Variants in COBLL1 observed in about 807,000 individuals in gnomAD.
COBLL1 encodes cordon-bleu protein-like 1.
Under a neutral mutation model 94.8 loss-of-function variants are expected in COBLL1, and 50 were observed. The observed-to-expected ratio is 0.53, with a 90% CI of 0.42 to 0.67. COBLL1 has a LOEUF of 0.67. COBLL1 is among the 30% of genes least tolerant of loss of function. The pLI is 0.00. For synonymous variants in COBLL1, 448 were observed against 473.8 expected (o/e 0.95, Z 0.71); for missense variants, 1,362 against 1,348.7 (o/e 1.01, Z -0.15).
intron 2 of COBLL1, among the ~76,000 whole-genome samples, chr2:164,839,482 T>G (rs1292477357): frequency 2.6e-5 from 4 of 152,298 alleles, no homozygotes; most frequent in Admixed American, 6.5e-5. Flanking sequence ...CAGTTATGCT[T>G]GCCAGCAAAA....
chr2:164,759,409 T>C (rs1687572439), intron 2 of COBLL1, among the ~76,000 whole-genome samples: 2 of 152,122 alleles, frequency 1.3e-5, no homozygotes, highest in South Asian at 4.1e-4. Flanking sequence ...AAAATTACCT[T>C]AAATTGGATC....
At chr2:164,809,935 C>T (rs1044405658) in intron 2 of COBLL1, among the ~76,000 whole-genome samples, 3 of 151,626 alleles carry the variant, frequency 2.0e-5, no homozygotes, top group African/African-American at 7.2e-5. Flanking sequence ...AAAAAGCCCT[C>T]TTTTAAATAA....
In COBLL1 at chr2:164,685,466, A is replaced by C. The variant is rs1683229776; in HGVS notation, c.*480T>G. 6.6e-6 allele frequency: 1 copy of C among 152,442 alleles called. No homozygotes were observed. The highest frequency in any genetic ancestry group is 2.4e-5 in the African/African-American group (1 of 41,578). The allele number at this position is 152,442 out of a possible 1,614,324, so 9.4% of individuals were successfully genotyped here. On this transcript the variant is annotated 3_prime_UTR_variant, in exon 14 of 14. Coordinates refer to ENST00000652658, the MANE Select transcript of COBLL1 (RefSeq NM_001365672.2). ...CTGAATATACTTATTTGGTATCACT[A>C]GTTTTCTAAATCATTCTTTCAGCCC...
At chr2:164,792,773 T>C (rs528191098) in intron 2 of COBLL1, among the ~76,000 whole-genome samples, 2 of 152,302 alleles carry the variant, frequency 1.3e-5, no homozygotes, top group Admixed American at 1.3e-4. Flanking sequence ...AAGAACACTT[T>C]TGAGCATTTA....
intron 2 of COBLL1, among the ~76,000 whole-genome samples, chr2:164,787,133 T>C (rs967292095): frequency 7.9e-5 from 12 of 152,284 alleles, no homozygotes; most frequent in African/African-American, 2.6e-4. Flanking sequence ...GACATCTGGC[T>C]AATGGTAAGC....
intron 3 of COBLL1, among the ~76,000 whole-genome samples, chr2:164,739,226 TA>T (rs1686473217): frequency 6.6e-6 from 1 of 152,146 alleles, no homozygotes; most frequent in African/African-American, 2.4e-5. Flanking sequence ...TAATTCAGGA[TA>T]ATAAGTTTCT....
At position 164,695,675 on chromosome 2, in the gene COBLL1, C is replaced by T. The variant is rs764003186; in HGVS notation, c.1717G>A (p.Ala573Thr). 6.2e-7 allele frequency: 1 copy of T among 1,613,804 alleles called. No homozygotes were observed. Among genetic ancestry groups the T allele is most frequent in the South Asian group, 1.1e-5 (1 of 91,054 alleles). Reference sequence around the variant, plus strand: ...AGATGGTTTTCCTTGTAACTTATAGCAGTATCAGTTTCATGTGCCTCAGAG... The same window carrying T: ...AGATGGTTTTCCTTGTAACTTATAGTAGTATCAGTTTCATGTGCCTCAGAG... The part of the protein sequence containing the change: ...SNSEAHETDT[A>T]ISYKENHLAA... Residue 573 changes from alanine to threonine, a missense_variant, in exon 12 of 14, where the codon GCT becomes ACT. Coordinates refer to ENST00000652658, the MANE Select transcript of COBLL1 (RefSeq NM_001365672.2).
chr2:164,781,483 C>A (rs355899), intron 2 of COBLL1, among the ~76,000 whole-genome samples: 81,566 of 152,112 alleles, frequency 0.54, 23,847 homozygotes, highest in African/African-American at 0.78. Context: ...TGTACACTTA[C>A]TGCAGACCAG....
At chr2:164,720,381 A>G (rs1685383262) in intron 7 of COBLL1, among the ~76,000 whole-genome samples, 1 of 152,214 alleles carries the variant, frequency 6.6e-6, no homozygotes, top group Admixed American at 6.5e-5. Context: ...GGCACAGCCC[A>G]GAATTTTAAG....
At chr2:164,807,852 C>T (rs1559036229) in intron 2 of COBLL1, among the ~76,000 whole-genome samples, 2 of 152,012 alleles carry the variant, frequency 1.3e-5, no homozygotes, top group Admixed American at 6.6e-5. Flanking sequence ...GACAGAGTCT[C>T]GTTGTCACCT....
intron 2 of COBLL1, among the ~76,000 whole-genome samples, chr2:164,831,824 G>T (rs1683092059): frequency 6.6e-6 from 1 of 152,142 alleles, no homozygotes; most frequent in Non-Finnish European, 1.5e-5. Flanking sequence ...AAAAGAGAAA[G>T]AGTTGCTCTA....
chr2:164,748,312 T>C (rs1333553710), intron 2 of COBLL1, among the ~76,000 whole-genome samples: 1 of 152,124 alleles, frequency 6.6e-6, no homozygotes, highest in Admixed American at 6.6e-5. Flanking sequence ...CCAGCAAAAT[T>C]TTGAAAATAT....
At chr2:164,674,373 T>C (rs1231061127) in intron 1 of COBLL1, among the ~76,000 whole-genome samples, 6 of 152,148 alleles carry the variant, frequency 3.9e-5, no homozygotes. Context: ...TTTACTGTCT[T>C]ATTCATGCAT....
intron 2 of COBLL1, among the ~76,000 whole-genome samples, chr2:164,750,210 T>C (rs563610948): frequency 1.3e-5 from 2 of 152,320 alleles, no homozygotes; most frequent in South Asian, 4.1e-4. Context: ...TTATCTCCAT[T>C]TGGATGTCCC....
At chr2:164,722,356 TA>T (rs1685492413) in intron 6 of COBLL1, 45 bp from the exon 7 acceptor site, 11 of 1,549,978 alleles carry the variant, frequency 7.1e-6, no homozygotes, top group African/African-American at 1.4e-5. Context: ...TTCAAGATAT[TA>T]GTAAAAAGCA....
intron 2 of COBLL1, among the ~76,000 whole-genome samples, chr2:164,761,782 C>A (rs1687696311): frequency 6.6e-6 from 1 of 152,138 alleles, no homozygotes; most frequent in Non-Finnish European, 1.5e-5. Flanking sequence ...AGTTAAAACC[C>A]AAGAAGTTTC....
At position 164,684,218 on chromosome 2, in the gene COBLL1, G is replaced by A. The variant is rs934442473; in HGVS notation, c.*1728C>T. The stretch of plus-strand genomic sequence containing the variant: ...GAATTTCCTCTTGTAAGAATAATGT[G>A]CTGATATTTCTATTAGGTAGACTTA... On this transcript the variant is annotated 3_prime_UTR_variant, in exon 14 of 14. Transcript: ENST00000652658. 1 of 151,884 alleles carries A rather than the reference G, an allele frequency of 6.6e-6. No individual in the cohort carries two copies. The highest frequency in any genetic ancestry group is 2.4e-5 in the African/African-American group (1 of 41,370). The allele number at this position is 151,884 out of a possible 1,614,324, so 9.4% of individuals were successfully genotyped here. A position where few individuals can be genotyped will look rare whatever the true frequency, so the allele number is the denominator to read the frequency against.
intron 5 of COBLL1, among the ~76,000 whole-genome samples, chr2:164,725,787 T>C (rs984970961): frequency 1.3e-5 from 2 of 152,152 alleles, no homozygotes; most frequent in African/African-American, 4.8e-5. Flanking sequence ...AGCCATTAAG[T>C]TTTCACTTAA....
rs1221960107 is a variant in COBLL1, at chr2:164,694,460, G to A, written c.2932C>T (p.Arg978Ter). The change falls in exon 12 of 14, where the codon CGA (arginine) becomes TGA (stop). Residue 978 changes from arginine to a stop codon, truncating the protein, a stop_gained. Transcript: ENST00000652658. LOFTEE classifies it high-confidence loss of function. ...LKTLKTFGAPRPYSSSGPSPF... is the reference protein window; with the variant it reads ...LKTLKTFGAP Reference sequence around the variant, plus strand: ...GAAGGACCAGAACTTGAGTATGGTCGTGGGGCACCAAAAGTTTTCAAAGTC... The same window carrying A: ...GAAGGACCAGAACTTGAGTATGGTCATGGGGCACCAAAAGTTTTCAAAGTC... 4 of 1,613,940 alleles carry A rather than the reference G, an allele frequency of 2.5e-6. No individual in the cohort carries two copies. Among genetic ancestry groups the A allele is most frequent in the Non-Finnish European group, 3.4e-6 (4 of 1,179,916 alleles).
Sources: gnomAD v4.1 joint callset for allele counts (sites outside exome capture counted in the v4.1 genomes callset) on GRCh38, gnomAD v4.1.1 for gene constraint, MANE v1.5 for transcripts, NCBI Gene and HGNC (gene_info 2026-07-23, HGNC 2026-07-21) for gene names.